Variants in MDGA2 observed in about 807,000 individuals in gnomAD.
MDGA2 encodes MAM domain containing glycosylphosphatidylinositol anchor 2, also known as MAM domain-containing glycosylphosphatidylinositol anchor protein 2.
In MDGA2, 40 loss-of-function variants were observed where a neutral mutation model predicts 117.8. That is an observed-to-expected ratio of 0.34 (90% CI 0.26 to 0.44). The LOEUF (loss-of-function observed/expected upper bound fraction) is 0.44. MDGA2 is among the 20% of genes least tolerant of loss of function. The probability of loss-of-function intolerance (pLI) is 1.00; values close to 1 mark genes in which losing one functional copy is unlikely to be tolerated. For missense variants in MDGA2, 1,123 were observed against 1,250.6 expected (o/e 0.90, Z 1.54); for synonymous variants, 452 against 439.0 (o/e 1.03, Z -0.37).
Position 47,624,327 on chromosome 14 carries a change from G to A in MDGA2, c.280+50190C>T, listed in dbSNP as rs189388085. 2.0e-4 allele frequency among the ~76,000 whole-genome samples: 31 copies of A among 152,150 alleles called. 1 individual carries two copies. The highest frequency in any genetic ancestry group is 5.3e-4 in the African/African-American group (22 of 41,512). On this transcript the variant is annotated intron_variant, in intron 1 of 16. Coordinates refer to ENST00000399232, the MANE Select transcript of MDGA2 (RefSeq NM_001113498.3). ...ACAAAAATTAGCCAGGCATGGTGGC[G>A]GCCATCTGTAATCCCAGCTATTCAG...
intron 8 of MDGA2, among the ~76,000 whole-genome samples, chr14:47,014,979 G>T (rs979605336): frequency 6.6e-6 from 1 of 152,126 alleles, no homozygotes; most frequent in Non-Finnish European, 1.5e-5. Context: ...CAAGAGAGAT[G>T]TAAGACTCTT....
At chr14:47,004,735 T>A (rs1887652118) in intron 8 of MDGA2, among the ~76,000 whole-genome samples, 1 of 151,790 alleles carries the variant, frequency 6.6e-6, no homozygotes, top group South Asian at 2.1e-4. Context: ...TATTTAGGTC[T>A]TTGTTAATGT....
In MDGA2 at chr14:46,933,799, A is replaced by AAT. The variant is rs34723414; in HGVS notation, c.2090-13641_2090-13640dup. On this transcript the variant is annotated intron_variant, in intron 9 of 16. Transcript: ENST00000399232. ...CAAAGTTCTACTGGTTTATGTAACAAATATATATATATATATATATATATA... is the reference window on the plus strand; with the variant it reads ...CAAAGTTCTACTGGTTTATGTAACAAATATATATATATATATATATATATATA... Among the ~76,000 whole-genome samples the AAT allele has an allele frequency of 9.4e-3, 809 of 86,436 alleles. 10 individuals carry two copies. The highest frequency in any genetic ancestry group is 0.013 in the Non-Finnish European group (541 of 42,186). The allele number at this position is 86,436 out of a possible 152,430, so 56.7% of individuals were successfully genotyped here.
At chr14:46,842,478 T>C (rs1458762125) in intron 16 of MDGA2, among the ~76,000 whole-genome samples, 1 of 152,182 alleles carries the variant, frequency 6.6e-6, no homozygotes, top group Non-Finnish European at 1.5e-5. Flanking sequence ...AGAAATTAAC[T>C]ATTGCAACTA....
intron 2 of MDGA2, among the ~76,000 whole-genome samples, chr14:47,284,057 A>T (rs1888589600): frequency 6.6e-6 from 1 of 152,242 alleles, no homozygotes; most frequent in African/African-American, 2.4e-5. Flanking sequence ...CTTGTCACTT[A>T]ATTTTTCTAG....
chr14:47,438,897 G>A (rs989406766), intron 1 of MDGA2, among the ~76,000 whole-genome samples: 1 of 152,130 alleles, frequency 6.6e-6, no homozygotes, highest in Non-Finnish European at 1.5e-5. Flanking sequence ...TACTGCCTTA[G>A]GAACAAGCAT....
chr14:47,411,313 T>C (rs1421221033), intron 1 of MDGA2, among the ~76,000 whole-genome samples: 1 of 152,020 alleles, frequency 6.6e-6, no homozygotes, highest in Admixed American at 6.6e-5. Context: ...CAGAGTATAA[T>C]ATTAAAAGAG....
At position 47,283,792 on chromosome 14, in the gene MDGA2, C is replaced by T. The variant is rs566354659; in HGVS notation, c.420+17619G>A. On this transcript the variant is annotated intron_variant, in intron 2 of 16. Coordinates refer to ENST00000399232, the MANE Select transcript of MDGA2 (RefSeq NM_001113498.3). Reference sequence around the variant, plus strand: ...AACCACCAGCTTTCCTTTCTATAGTCGTTTTAATAAATAAACAGCAAGACA... The same window carrying T: ...AACCACCAGCTTTCCTTTCTATAGTTGTTTTAATAAATAAACAGCAAGACA... 3.9e-5 allele frequency among the ~76,000 whole-genome samples: 6 copies of T among 152,188 alleles called. No homozygotes were observed. In the East Asian group the frequency reaches 7.7e-4, roughly 20 times the overall value.
At chr14:47,397,803 G>A (rs1892047114) in intron 1 of MDGA2, among the ~76,000 whole-genome samples, 1 of 152,020 alleles carries the variant, frequency 6.6e-6, no homozygotes, top group Non-Finnish European at 1.5e-5. Context: ...GATACAAGGA[G>A]GTAACCTTAG....
intron 1 of MDGA2, among the ~76,000 whole-genome samples, chr14:47,453,727 GTTGTT>G (rs748423262): frequency 3.3e-5 from 5 of 152,192 alleles, no homozygotes; most frequent in Non-Finnish European, 4.4e-5. Flanking sequence ...ATTCTGATGA[GTTGTT>G]TTAATTATAG....
At position 47,000,422 on chromosome 14, in the gene MDGA2, CATATAAATATATAT is replaced by C. The variant is rs1566567965; in HGVS notation, c.1819+34575_1819+34588del. Among the ~76,000 whole-genome samples, 5 of 75,418 alleles carry C rather than the reference CATATAAATATATAT, an allele frequency of 6.6e-5. No individual in the cohort carries two copies. The East Asian group carries it at 3.8e-3, about 58-fold the overall frequency. 49.5% of individuals were successfully genotyped at this position (75,418 alleles called of 152,430 possible). On this transcript the variant is annotated intron_variant, in intron 8 of 16. Coordinates refer to ENST00000399232, the MANE Select transcript of MDGA2 (RefSeq NM_001113498.3). ...ATAAATATATATTTATATATATACACATATAAATATATATACATATAAATATATATATAAATATA... is the reference window on the plus strand; with the variant it reads ...ATAAATATATATTTATATATATACACACATATAAATATATATATAAATATA...
intron 8 of MDGA2, among the ~76,000 whole-genome samples, chr14:46,974,181 A>G (rs1462931703): frequency 6.6e-6 from 1 of 152,194 alleles, no homozygotes; most frequent in Non-Finnish European, 1.5e-5. Context: ...AAGGAATTAA[A>G]GGACATGTGC....
intron 1 of MDGA2, among the ~76,000 whole-genome samples, chr14:47,669,884 TC>T (rs1898043873): frequency 6.6e-6 from 1 of 152,132 alleles, no homozygotes; most frequent in Non-Finnish European, 1.5e-5. Flanking sequence ...CAATATACCT[TC>T]GGATAGCTTT....
At chr14:47,233,867 T>C (rs1369541136) in intron 2 of MDGA2, among the ~76,000 whole-genome samples, 1 of 152,206 alleles carries the variant, frequency 6.6e-6, no homozygotes, top group East Asian at 1.9e-4. Flanking sequence ...TTAAAAGTTA[T>C]GAATTAGAAC....
At chr14:47,647,031 G>A (rs143988364) in intron 1 of MDGA2, among the ~76,000 whole-genome samples, 2 of 152,220 alleles carry the variant, frequency 1.3e-5, no homozygotes, top group African/African-American at 4.8e-5. Context: ...TATGAATTAT[G>A]TCTGTCTATA....
At chr14:47,651,009 G>T (rs1202676890) in intron 1 of MDGA2, among the ~76,000 whole-genome samples, 1 of 152,098 alleles carries the variant, frequency 6.6e-6, no homozygotes, top group Non-Finnish European at 1.5e-5. Flanking sequence ...TTATTTCAAT[G>T]TTTAATATTA....
At chr14:47,368,759 A>G (rs1482982586) in intron 1 of MDGA2, among the ~76,000 whole-genome samples, 1 of 149,088 alleles carries the variant, frequency 6.7e-6, no homozygotes, top group East Asian at 1.9e-4. Context: ...AGAATGAAAG[A>G]GTTTTACTAG....
chr14:47,349,653 A>T (rs1029284609), intron 1 of MDGA2, among the ~76,000 whole-genome samples: 69 of 152,130 alleles, frequency 4.5e-4, no homozygotes, highest in African/African-American at 1.1e-3. Flanking sequence ...TTCATTTTTT[A>T]AAAAAAACAT....
At chr14:46,914,111 C>A (rs995839029) in intron 10 of MDGA2, among the ~76,000 whole-genome samples, 1 of 152,000 alleles carries the variant, frequency 6.6e-6, no homozygotes, top group African/African-American at 2.4e-5. Context: ...TAATTGTGTA[C>A]ATTTCAAATG....
Sources: allele counts gnomAD v4.1 joint callset (sites outside exome capture counted in the v4.1 genomes callset), GRCh38; gene constraint gnomAD v4.1.1; transcripts MANE v1.5; gene names NCBI Gene and HGNC (gene_info 2026-07-23, HGNC 2026-07-21).